Variants in NTHL1 observed in about 807,000 individuals in gnomAD.
NTHL1 encodes endonuclease III-like protein 1.
Under a neutral mutation model 32.3 loss-of-function variants are expected in NTHL1, and 32 were observed. The observed-to-expected ratio is 0.99, with a 90% CI of 0.75 to 1.33. The LOEUF (loss-of-function observed/expected upper bound fraction) is 1.33. Ranked by LOEUF, NTHL1 falls within the 40% of genes most tolerant of loss-of-function variation. The pLI is 0.00. For missense variants in NTHL1, 501 were observed against 414.1 expected, an observed-to-expected ratio of 1.21 and a Z score of -1.82; for synonymous variants, 188 against 176.9, an observed-to-expected ratio of 1.06 and a Z score of -0.50.
Position 2,044,679 on chromosome 16 carries a change from G to C in NTHL1, c.476C>G (p.Thr159Arg), listed in dbSNP as rs968060928. 6.2e-7 allele frequency: 1 copy of C among 1,611,384 alleles called. No homozygotes were observed. The highest frequency in any genetic ancestry group is 1.3e-5 in the African/African-American group (1 of 74,952). Reference protein sequence around the residue: ...RGLTVDSILQTDDATLGKLIY... With the variant: ...RGLTVDSILQRDDATLGKLIY... ...GAGCTTGCCCAGCGTGGCATCATCT[G>C]TCTGCAGGATGCTGTCCACCGTCAG... is the stretch of plus-strand genomic sequence containing the variant. Residue 159 changes from threonine to arginine, a missense_variant, in exon 3 of 6, where the codon ACA (threonine) becomes AGA (arginine). By Grantham distance (71) the Thr-to-Arg change is moderately conservative. Coordinates refer to ENST00000651570, the MANE Select transcript of NTHL1 (RefSeq NM_002528.7). The surrounding 1 kb of genome is among the most constrained non-coding windows in gnomAD (Gnocchi z 5.0).
chr16:2,046,156 T>C lies in NTHL1; in HGVS notation c.326A>G (p.His109Arg), dbSNP rs2084364362. ...DAPVDHLGTE[H>R]CYDSSAPPKV... is the part of the protein sequence containing the mutation. ...TGGGGGGGCACTGGAGTCATAGCAG[T>C]GCTCAGTCCCCAGATGGTCCACAGG... The change falls in exon 2 of 6, where the codon CAC (histidine) becomes CGC (arginine). Residue 109 changes from histidine to arginine, a missense_variant. Physicochemically the swap from His to Arg is conservative, Grantham distance 29. Coordinates refer to ENST00000651570, the MANE Select transcript of NTHL1 (RefSeq NM_002528.7). 1 of 1,613,120 alleles carries C rather than the reference T, an allele frequency of 6.2e-7. No individual in the cohort carries two copies. Among genetic ancestry groups the C allele is most frequent in the Non-Finnish European group, 8.5e-7 (1 of 1,179,960 alleles).
Position 2,043,164 on chromosome 16 carries a change from AC to A in NTHL1, c.685+402del, listed in dbSNP as rs2084292528. ...TCCTCCTCTTGGCCTGGCTCACCCC[AC>A]CTTGCTCTGCAGCTCTCAGGTGAAG... On this transcript the variant is annotated intron_variant, in intron 4 of 5. Coordinates refer to ENST00000651570, the MANE Select transcript of NTHL1 (RefSeq NM_002528.7). This position sits in a 1 kb window ranked among gnomAD's most constrained non-coding sequence, Gnocchi z 4.4. 6.7e-6 allele frequency among the ~76,000 whole-genome samples: 1 copy of A among 149,024 alleles called. No individual in the cohort carries two copies. The highest frequency in any genetic ancestry group is 2.5e-5 in the African/African-American group (1 of 40,206).
chr16:2,044,355 G>A lies in NTHL1; in HGVS notation c.525+275C>T, dbSNP rs368288858. On this transcript the variant is annotated intron_variant, in intron 3 of 5. Transcript: ENST00000651570. The surrounding 1 kb of genome is among the most constrained non-coding windows in gnomAD (Gnocchi z 5.0). ...GCTAGCAGTAAACAAAGGGAAAGGCGGGTGGGCAGGCAGCCTTGGCGGTGA... is the reference window on the plus strand; with the variant it reads ...GCTAGCAGTAAACAAAGGGAAAGGCAGGTGGGCAGGCAGCCTTGGCGGTGA... Among the ~76,000 whole-genome samples, 8 of 152,304 alleles carry A rather than the reference G, an allele frequency of 5.3e-5. 1 individual carries two copies. The highest frequency in any genetic ancestry group is 4.8e-5 in the African/African-American group (2 of 41,574).
At position 2,044,203 on chromosome 16, in the gene NTHL1, C is replaced by T. The variant is rs910810117; in HGVS notation, c.525+427G>A. The T allele has an allele frequency of 1.5e-5, 5 of 332,898 alleles. No homozygotes were observed. The highest frequency in any genetic ancestry group is 2.9e-5 in the Non-Finnish European group (5 of 173,550). The allele number at this position is 332,898 out of a possible 1,614,324, so 20.6% of individuals were successfully genotyped here. A position where few individuals can be genotyped will look rare whatever the true frequency, so the allele number is the denominator to read the frequency against. On this transcript the variant is annotated intron_variant, in intron 3 of 5. Transcript: ENST00000651570. This position sits in a 1 kb window ranked among gnomAD's most constrained non-coding sequence, Gnocchi z 5.0. ...CGGGTGCCAAGGGGAAGCGGCCCCA[C>T]CCACCAAGCTGCTTTCAACAGATCC...
chr16:2,046,178 C>G lies in NTHL1; in HGVS notation c.304G>C (p.Val102Leu). 6.2e-7 allele frequency: 1 copy of G among 1,613,288 alleles called. No homozygotes were observed. Among genetic ancestry groups the G allele is most frequent in the South Asian group, 1.1e-5 (1 of 91,082 alleles). Residue 102 changes from valine to leucine, a missense_variant, in exon 2 of 6, where the codon GTG becomes CTG. Physicochemically the swap from Val to Leu is conservative, Grantham distance 32. Coordinates refer to ENST00000651570, the MANE Select transcript of NTHL1 (RefSeq NM_002528.7). ...RAMRNKKDAP[V>L]DHLGTEHCYD... ...CAGTGCTCAGTCCCCAGATGGTCCACAGGTGCATCCTTTTTGTTCCTCATG... is the reference window on the plus strand; with the variant it reads ...CAGTGCTCAGTCCCCAGATGGTCCAGAGGTGCATCCTTTTTGTTCCTCATG...
intron 1 of NTHL1, 115 bp from the exon 2 acceptor site, chr16:2,046,481 C>T (rs1203295855): frequency 3.1e-6 from 3 of 953,682 alleles, no homozygotes; most frequent in Non-Finnish European, 4.7e-6. Context: ...TGTCCATCAT[C>T]TAATACACTT....
rs1455659437 is a variant in NTHL1 at position 2,044,586 on chromosome 16, C to G, written c.525+44G>C. ...CCCCTCAGCCTTCTGAGGTCTCTCT[C>G]AGGCCACTGCCACCCGGCCCCCGTT... is the stretch of plus-strand genomic sequence containing the variant. On this transcript the variant is annotated intron_variant, in intron 3 of 5. Coordinates refer to ENST00000651570, the MANE Select transcript of NTHL1 (RefSeq NM_002528.7). The surrounding 1 kb of genome is among the most constrained non-coding windows in gnomAD (Gnocchi z 5.0). 5.0e-6 allele frequency: 8 copies of G among 1,596,950 alleles called. No homozygotes were observed. Among genetic ancestry groups the G allele is most frequent in the Non-Finnish European group, 6.8e-6 (8 of 1,179,444 alleles).
rs1392029559 is a variant in NTHL1, at chr16:2,046,176, C to T, written c.306G>A (p.Val102=). Residue 102 remains valine (V), a synonymous_variant, in exon 2 of 6, where the codon GTG becomes GTA. Coordinates refer to ENST00000651570, the MANE Select transcript of NTHL1 (RefSeq NM_002528.7). ...AGCAGTGCTCAGTCCCCAGATGGTC[C>T]ACAGGTGCATCCTTTTTGTTCCTCA... The part of the protein sequence containing the change: ...RAMRNKKDAP[V]DHLGTEHCYD... The T allele has an allele frequency of 2.5e-6, 4 of 1,613,268 alleles. No homozygotes were observed. Among genetic ancestry groups the T allele is most frequent in the Non-Finnish European group, 1.7e-6 (2 of 1,180,010 alleles).
intron 4 of NTHL1, among the ~76,000 whole-genome samples, chr16:2,040,792 C>G (rs2084257484): frequency 6.6e-6 from 1 of 152,196 alleles, no homozygotes; most frequent in Non-Finnish European, 1.5e-5. Context: ...AAGGGTCCAT[C>G]CAGGCTTCCC....
At position 2,047,774 on chromosome 16, in the gene NTHL1, G is replaced by T. The variant is rs1343729377; in HGVS notation, c.50C>A (p.Pro17His). The change falls in exon 1 of 6, where the codon CCC (proline) becomes CAC (histidine). Residue 17 changes from proline to histidine, a missense_variant. Coordinates refer to ENST00000651570, the MANE Select transcript of NTHL1 (RefSeq NM_002528.7). ...CCTACACCCCCGCGGCCCAGCCCCG[G>T]GTCCCAGGCTCCGGCTCCGGGTCAG... Reference protein sequence around the residue: ...RMLTRSRSLGPGAGPRGCREE... With the variant: ...RMLTRSRSLGHGAGPRGCREE... 2 of 1,588,412 alleles carry T rather than the reference G, an allele frequency of 1.3e-6. No homozygotes were observed. Among genetic ancestry groups the T allele is most frequent in the Non-Finnish European group, 1.7e-6 (2 of 1,172,674 alleles).
chr16:2,044,887 TG>T lies in NTHL1; in HGVS notation c.355-88del, dbSNP rs1369017301. 1 of 1,435,722 alleles carries T rather than the reference TG, an allele frequency of 7.0e-7. No homozygotes were observed. Among genetic ancestry groups the T allele is most frequent in the Middle Eastern group, 2.0e-4 (1 of 4,952 alleles). 88.9% of individuals were successfully genotyped at this position (1,435,722 alleles called of 1,614,324 possible). ...TCCGCCCCCCGCCCTCGACACACCC[TG>T]GTTTGTTGCCCTGGGCCACACTTGA... On this transcript the variant is annotated intron_variant, in intron 2 of 5. Transcript: ENST00000651570. This position sits in a 1 kb window ranked among gnomAD's most constrained non-coding sequence, Gnocchi z 5.0.
chr16:2,044,196 G>A lies in NTHL1; in HGVS notation c.525+434C>T, dbSNP rs1596219901. ...GCCCACGCGGGTGCCAAGGGGAAGC[G>A]GCCCCACCCACCAAGCTGCTTTCAA... is the stretch of plus-strand genomic sequence containing the variant. On this transcript the variant is annotated intron_variant, in intron 3 of 5. Coordinates refer to ENST00000651570, the MANE Select transcript of NTHL1 (RefSeq NM_002528.7). The surrounding 1 kb of genome is among the most constrained non-coding windows in gnomAD (Gnocchi z 5.0). 4 of 327,104 alleles carry A rather than the reference G, an allele frequency of 1.2e-5. No individual in the cohort carries two copies. Among genetic ancestry groups the A allele is most frequent in the South Asian group, 9.2e-5 (3 of 32,464 alleles). The allele number at this position is 327,104 out of a possible 1,614,324, so 20.3% of individuals were successfully genotyped here.
At chr16:2,045,917 G>C (rs373240275) in intron 2 of NTHL1, among the ~76,000 whole-genome samples, 5 of 152,198 alleles carry the variant, frequency 3.3e-5, no homozygotes, top group African/African-American at 1.2e-4. Context: ...GCCTGCACTG[G>C]GCAGAAGTTC....
rs571813695 is a variant in NTHL1 at position 2,039,977 on chromosome 16, G to A, written c.862C>T (p.Arg288Cys). ...GCTTGGTTGAGGCAGGCGTGGCAGC[G>A]AGGGTGCACAGGCAGACAGGTCTGC... ...GQQTCLPVHPRCHACLNQALC... is the reference protein window; with the variant it reads ...GQQTCLPVHPCCHACLNQALC... Residue 288 changes from arginine to cysteine, a missense_variant, in exon 6 of 6, where the codon CGC becomes TGC. Coordinates refer to ENST00000651570, the MANE Select transcript of NTHL1 (RefSeq NM_002528.7). 1.1e-5 allele frequency: 18 copies of A among 1,609,488 alleles called. No homozygotes were observed. The highest frequency in any genetic ancestry group is 1.4e-5 in the Non-Finnish European group (17 of 1,179,968).
In NTHL1 at chr16:2,047,809, G is replaced by C. The variant is rs1596228346; in HGVS notation, c.15C>G (p.Ser5Arg). 6.3e-7 allele frequency: 1 copy of C among 1,592,376 alleles called. No homozygotes were observed. Among genetic ancestry groups the C allele is most frequent in the Non-Finnish European group, 8.5e-7 (1 of 1,174,652 alleles). MTALSARMLTRSRSL... is the reference protein window; with the variant it reads MTALRARMLTRSRSL... ...TCCGGCTCCGGGTCAGCATCCTCGC[G>C]CTCAAGGCGGTCATGCCGGACTCCT... The change falls in exon 1 of 6, where the codon AGC (serine) becomes AGG (arginine). Residue 5 changes from serine (S) to arginine (R), a missense_variant. Physicochemically the swap from Ser to Arg is moderately radical, Grantham distance 110 (BLOSUM62 -1). Transcript: ENST00000651570.
At position 2,040,172 on chromosome 16, in the gene NTHL1, G is replaced by A. The variant is rs1437503034; in HGVS notation, c.752C>T (p.Pro251Leu). 12 of 1,613,848 alleles carry A rather than the reference G, an allele frequency of 7.4e-6. No individual in the cohort carries two copies. Among genetic ancestry groups the A allele is most frequent in the African/African-American group, 1.3e-5 (1 of 74,930 alleles). ...LRWTKKATKSPEETRAALEEW... is the reference protein window; with the variant it reads ...LRWTKKATKSLEETRAALEEW... ...CTCCAGGGCGGCGCGGGTCTCCTCT[G>A]GGGACTTGGTTGCCTTCTTGGTCCA... The change falls in exon 5 of 6, where the codon CCA (proline) becomes CTA (leucine). Residue 251 changes from proline (P) to leucine (L), a missense_variant. Transcript: ENST00000651570.
chr16:2,047,718 C>T lies in NTHL1; in HGVS notation c.106G>A (p.Ala36Thr). Reference protein sequence around the residue: ...EEPGPLRRREAAAEARKSHSP... With the variant: ...EEPGPLRRRETAAEARKSHSP... ...CACGGCGCGGCGCTACCTGCTGCAG[C>T]CTCTCTTCTCCGGAGAGGCCCGGGC... is the stretch of plus-strand genomic sequence containing the variant. Residue 36 changes from alanine to threonine, a missense_variant, in exon 1 of 6, where the codon GCT becomes ACT. Coordinates refer to ENST00000651570, the MANE Select transcript of NTHL1 (RefSeq NM_002528.7). 1 of 1,582,162 alleles carries T rather than the reference C, an allele frequency of 6.3e-7. No individual in the cohort carries two copies.
intron 4 of NTHL1, chr16:2,042,187 C>T (rs768916632): frequency 1.4e-5 from 6 of 438,038 alleles, no homozygotes; most frequent in East Asian, 7.1e-5. Flanking sequence ...CTCTTGTGCC[C>T]GCTGCTCCCA....
At position 2,044,662 on chromosome 16, in the gene NTHL1, C is replaced by T. The variant is rs2084316789; in HGVS notation, c.493G>A (p.Gly165Ser). The T allele has an allele frequency of 1.9e-6, 3 of 1,609,494 alleles. No homozygotes were observed. Among genetic ancestry groups the T allele is most frequent in the South Asian group, 1.1e-5 (1 of 91,078 alleles). ...AAACCGACGGGGTAGATGAGCTTGCCCAGCGTGGCATCATCTGTCTGCAGG... is the reference window on the plus strand; with the variant it reads ...AAACCGACGGGGTAGATGAGCTTGCTCAGCGTGGCATCATCTGTCTGCAGG... ...SILQTDDATL[G>S]KLIYPVGFWR... is the part of the protein sequence containing the mutation. The change falls in exon 3 of 6, where the codon GGC becomes AGC. Residue 165 changes from glycine (G) to serine (S), a missense_variant. Physicochemically the swap from Gly to Ser is moderately conservative, Grantham distance 56 (BLOSUM62 0). Transcript: ENST00000651570. This position sits in a 1 kb window ranked among gnomAD's most constrained non-coding sequence, Gnocchi z 5.0.
Sources: allele counts gnomAD v4.1 joint callset (sites outside exome capture counted in the v4.1 genomes callset), GRCh38; gene constraint gnomAD v4.1.1; non-coding constraint Gnocchi (gnomAD v3.1); transcripts MANE v1.5; gene names NCBI Gene and HGNC (gene_info 2026-07-23, HGNC 2026-07-21).